The following WDPCP variants were observed in gnomAD, a reference collection of about 807,000 sequenced individuals.
The protein encoded by WDPCP is WD repeat-containing and planar cell polarity effector protein fritz homolog.
A neutral mutation model predicts 93.1 loss-of-function variants in WDPCP; 71 were observed. That is an observed-to-expected ratio of 0.76 (90% CI 0.63 to 0.93). The LOEUF is 0.93. WDPCP is among the 40% of genes least tolerant of loss of function. The probability of loss-of-function intolerance (pLI) is 0.00; values close to 1 mark genes in which losing one functional copy is unlikely to be tolerated. For missense variants in WDPCP, 844 were observed against 887.4 expected (o/e 0.95, Z 0.62); for synonymous variants, 315 against 315.0 (o/e 1.00, Z 0.00).
chr2:63,643,546 GC>G, intron 3 of WDPCP: 1 of 423,616 alleles, frequency 2.4e-6, no homozygotes. Flanking sequence ...CAGTAATCTT[GC>G]CAGTCTCCAA....
intron 2 of WDPCP, among the ~76,000 whole-genome samples, chr2:63,708,948 C>T (rs1016829991): frequency 6.2e-5 from 9 of 145,786 alleles, no homozygotes; most frequent in South Asian, 2.4e-4. Flanking sequence ...GAAATTTGGC[C>T]GGGCACTCAC....
chr2:63,350,662 A>C (rs1689534337), intron 12 of WDPCP, among the ~76,000 whole-genome samples: 1 of 152,042 alleles, frequency 6.6e-6, no homozygotes, highest in African/African-American at 2.4e-5. Context: ...GGGTATGTTG[A>C]AAGAGGAAGG....
chr2:63,382,235 A>G, intron 10 of WDPCP, 141 bp from the exon 11 acceptor site: 2 of 758,768 alleles, frequency 2.6e-6, no homozygotes, highest in Admixed American at 2.5e-5. Context: ...TTCTCAACTA[A>G]TATTTGCTAT....
chr2:63,347,259 C>CA (rs2104513380), intron 12 of WDPCP, among the ~76,000 whole-genome samples: 1 of 152,196 alleles, frequency 6.6e-6, no homozygotes, highest in African/African-American at 2.4e-5. Context: ...TAAGAGTTGC[C>CA]AGGTGAAACA....
chr2:63,298,433 C>T (rs1204334307), intron 13 of WDPCP, among the ~76,000 whole-genome samples: 1 of 151,842 alleles, frequency 6.6e-6, no homozygotes, highest in Non-Finnish European at 1.5e-5. Flanking sequence ...GGAAGACCCA[C>T]CCACAATGTG....
chr2:63,363,254 G>A (rs1045372504), intron 12 of WDPCP, among the ~76,000 whole-genome samples: 22 of 152,118 alleles, frequency 1.4e-4, no homozygotes, highest in African/African-American at 3.9e-4. Flanking sequence ...GGAAGGATAC[G>A]AAGGGATTCT....
rs796509514 is a variant in WDPCP, at chr2:63,471,699, A to T, written c.384+12905T>A. ...TTCAACATCCTTCCTGGAACCTCCC[A>T]TTCCCTGCCCCTATTTGGACTAGCT... is the stretch of plus-strand genomic sequence containing the variant. On this transcript the variant is annotated intron_variant, in intron 6 of 17. Transcript: ENST00000272321. Among the ~76,000 whole-genome samples, 15 of 152,288 alleles carry T rather than the reference A, an allele frequency of 9.8e-5. 1 individual carries two copies. Among genetic ancestry groups the T allele is most frequent in the African/African-American group, 3.4e-4 (14 of 41,576 alleles).
chr2:63,210,061 C>G (rs1337438095), intron 14 of WDPCP, among the ~76,000 whole-genome samples: 1 of 151,790 alleles, frequency 6.6e-6, no homozygotes, highest in African/African-American at 2.4e-5. Context: ...ATTAACTTGT[C>G]ATTAGAAAGA....
intron 1 of WDPCP, among the ~76,000 whole-genome samples, chr2:63,496,466 T>G (rs191084983): frequency 6.6e-6 from 1 of 152,212 alleles, no homozygotes; most frequent in African/African-American, 2.4e-5. Flanking sequence ...TAATCAAAAA[T>G]TACAGTGTTT....
intron 12 of WDPCP, among the ~76,000 whole-genome samples, chr2:63,351,249 T>A (rs1458659312): frequency 6.6e-6 from 1 of 152,162 alleles, no homozygotes; most frequent in African/African-American, 2.4e-5. Context: ...CCCAAAGTGC[T>A]GGGATTATAG....
At chr2:63,160,464 A>G (rs1380292268) in intron 15 of WDPCP, among the ~76,000 whole-genome samples, 1 of 152,234 alleles carries the variant, frequency 6.6e-6, no homozygotes, top group Non-Finnish European at 1.5e-5. Context: ...TGACTATCAC[A>G]AAGAATATTG....
At chr2:63,789,547 G>C (rs1386147668) in intron 2 of WDPCP, among the ~76,000 whole-genome samples, 2 of 152,182 alleles carry the variant, frequency 1.3e-5, no homozygotes, top group African/African-American at 2.4e-5. Context: ...TTTCGGCAGA[G>C]TGGTAGTACT....
At chr2:63,362,277 T>TTGGGTGTGTGTGTGTG (rs1553362983) in intron 12 of WDPCP, among the ~76,000 whole-genome samples, 5,178 of 94,052 alleles carry the variant, frequency 0.055, 395 homozygotes, top group Middle Eastern at 0.062. Context: ...TTTTTTTTGG[T>TTGGGTGTGTGTGTGTG]TGTGTGTGTG....
At position 63,753,424 on chromosome 2, in the gene WDPCP, G is replaced by A. The variant is rs540069139; in HGVS notation, n.308+60198C>T. Reference sequence around the variant, plus strand: ...AGCCTGGGTGACAGTGCAAGACTCCGTCTCGAACAACAGCAACAACAAAAA... The same window carrying A: ...AGCCTGGGTGACAGTGCAAGACTCCATCTCGAACAACAGCAACAACAAAAA... On this transcript the variant is annotated intron_variant and non_coding_transcript_variant, in intron 2 of 4. Transcript: ENST00000467687. Among the ~76,000 whole-genome samples the A allele has an allele frequency of 1.2e-3, 190 of 152,146 alleles. 1 individual carries two copies. Among genetic ancestry groups the A allele is most frequent in the African/African-American group, 4.1e-3 (171 of 41,508 alleles).
chr2:63,429,363 C>G (rs1696552598), intron 9 of WDPCP, among the ~76,000 whole-genome samples: 1 of 151,994 alleles, frequency 6.6e-6, no homozygotes, highest in Admixed American at 6.6e-5. Context: ...AACTAAAGAG[C>G]TTCTACACAG....
chr2:63,310,315 G>T (rs562119993), intron 13 of WDPCP, among the ~76,000 whole-genome samples: 2 of 152,208 alleles, frequency 1.3e-5, no homozygotes, highest in Non-Finnish European at 2.9e-5. Context: ...TTAAATATAA[G>T]AAAATTACTA....
intron 3 of WDPCP, chr2:63,607,129 G>A: frequency 1.4e-6 from 1 of 731,124 alleles, no homozygotes; most frequent in South Asian, 2.3e-5. Context: ...TCTTGGTACA[G>A]GTTTGTGAAT....
At chr2:63,394,469 A>G (rs1693547535) in intron 10 of WDPCP, among the ~76,000 whole-genome samples, 1 of 152,154 alleles carries the variant, frequency 6.6e-6, no homozygotes. Flanking sequence ...CATGGTGGAA[A>G]GCAGTTTGGG....
At chr2:63,647,044 T>C (rs1710059924) in intron 3 of WDPCP, among the ~76,000 whole-genome samples, 2 of 152,190 alleles carry the variant, frequency 1.3e-5, no homozygotes, top group African/African-American at 4.8e-5. Flanking sequence ...AATTCTTAGA[T>C]TTGCCCTTTT....
Sources: gnomAD v4.1 joint callset for allele counts (sites outside exome capture counted in the v4.1 genomes callset) on GRCh38, gnomAD v4.1.1 for gene constraint, MANE v1.5 for transcripts, NCBI Gene and HGNC (gene_info 2026-07-23, HGNC 2026-07-21) for gene names.